Variants in SEMA4D observed in about 807,000 individuals in gnomAD.
SEMA4D encodes semaphorin-4D.
Under a neutral mutation model 74.8 loss-of-function variants are expected in SEMA4D, and 22 were observed. The observed-to-expected ratio is 0.29, with a 90% CI of 0.21 to 0.42. The LOEUF is 0.42. Among genes scored for constraint, SEMA4D ranks in the 10% least tolerant of loss-of-function variants. The probability of loss-of-function intolerance (pLI) is 1.00; values close to 1 mark genes in which losing one functional copy is unlikely to be tolerated. For synonymous variants in SEMA4D, 445 were observed against 463.7 expected (o/e 0.96, Z 0.52); for missense variants, 937 against 1,118.4 (o/e 0.84, Z 2.31).
In SEMA4D at chr9:89,378,458, T is replaced by C; in HGVS notation, c.*246A>G. The C allele has an allele frequency of 2.0e-6, 1 of 488,476 alleles. No individual in the cohort carries two copies. The allele number at this position is 488,476 out of a possible 1,614,324, so 30.3% of individuals were successfully genotyped here. On this transcript the variant is annotated 3_prime_UTR_variant, in exon 16 of 16. Coordinates refer to ENST00000422704, the MANE Select transcript of SEMA4D (RefSeq NM_001371194.2). ...GTGCCGCCCGTGGGCCTTCTTCAAG[T>C]ACTCCGACTGACTTCGGAACACAAG...
chr9:89,387,673 C>A, intron 11 of SEMA4D, 65 bp from the exon 12 acceptor site: 1 of 1,436,880 alleles, frequency 7.0e-7, no homozygotes, highest in Non-Finnish European at 9.7e-7. Flanking sequence ...TGCTTCCACA[C>A]AAGCAGCCAA....
At chr9:89,439,621 G>A (rs989615496) in intron 2 of SEMA4D, among the ~76,000 whole-genome samples, 5 of 152,164 alleles carry the variant, frequency 3.3e-5, no homozygotes, top group African/African-American at 7.2e-5. Context: ...CCACCCACAC[G>A]AACAATGTGG....
chr9:89,477,202 T>C (rs925509947), intron 1 of SEMA4D, among the ~76,000 whole-genome samples: 1 of 152,088 alleles, frequency 6.6e-6, no homozygotes, highest in African/African-American at 2.4e-5. Context: ...TGAGCACACA[T>C]GTGCAGGCAG....
At chr9:89,468,169 T>C (rs1354726926) in intron 1 of SEMA4D, among the ~76,000 whole-genome samples, 1 of 152,240 alleles carries the variant, frequency 6.6e-6, no homozygotes, top group Non-Finnish European at 1.5e-5. Flanking sequence ...CCACTCCACC[T>C]GCAACAGGTA....
intron 1 of SEMA4D, chr9:89,472,130 T>C (rs965715459): frequency 1.1e-5 from 2 of 180,706 alleles, no homozygotes; most frequent in African/African-American, 4.8e-5. Flanking sequence ...GCACAATCCT[T>C]CTGACTTTAA....
chr9:89,422,375 C>G (rs535361265), intron 2 of SEMA4D, among the ~76,000 whole-genome samples: 1 of 152,314 alleles, frequency 6.6e-6, no homozygotes, highest in South Asian at 2.1e-4. Context: ...TTGGGGAGGG[C>G]AGGCCACAGC....
Position 89,477,754 on chromosome 9 carries a change from T to A in SEMA4D, c.-310+20165A>T, listed in dbSNP as rs115457228. ...CAGCACAATGAAAGCGTTCACTCTT[T>A]GCTTTCTGTCTTCATTTTCTGAGCA... On this transcript the variant is annotated intron_variant, in intron 1 of 15. Transcript: ENST00000422704. Among the ~76,000 whole-genome samples, 359 of 152,342 alleles carry A rather than the reference T, an allele frequency of 2.4e-3. 1 individual carries two copies. The highest frequency in any genetic ancestry group is 8.2e-3 in the African/African-American group (342 of 41,566).
chr9:89,388,753 C>G lies in SEMA4D; in HGVS notation c.990G>C (p.Leu330=), dbSNP rs755613221. The G allele has an allele frequency of 1.2e-6, 2 of 1,611,248 alleles. No individual in the cohort carries two copies. The highest frequency in any genetic ancestry group is 2.2e-5 in the South Asian group (2 of 91,020). Residue 330 remains leucine, a synonymous_variant, in exon 11 of 16, where the codon CTG becomes CTC. Transcript: ENST00000422704. ...GGGAGAAGACCTCCTCGGCTGTGGACAGGTTGTAGGCGCACACTGCCGACA... is the reference window on the plus strand; with the variant it reads ...GGGAGAAGACCTCCTCGGCTGTGGAGAGGTTGTAGGCGCACACTGCCGACA... ...VGLSAVCAYN[L]STAEEVFSHG...
At chr9:89,415,836 C>T (rs1845593081) in intron 2 of SEMA4D, among the ~76,000 whole-genome samples, 1 of 152,218 alleles carries the variant, frequency 6.6e-6, no homozygotes, top group African/African-American at 2.4e-5. Flanking sequence ...ACCCAGCCAG[C>T]AGAGATGCTT....
intron 1 of SEMA4D, among the ~76,000 whole-genome samples, chr9:89,489,422 G>A (rs748254665): frequency 2.0e-5 from 3 of 152,062 alleles, no homozygotes; most frequent in Non-Finnish European, 4.4e-5. Flanking sequence ...TAGTACATTC[G>A]CAATGTTATG....
Position 89,477,016 on chromosome 9 carries a change from A to T in SEMA4D, c.-310+20903T>A, listed in dbSNP as rs182864468. 2.1e-3 allele frequency among the ~76,000 whole-genome samples: 315 copies of T among 152,296 alleles called. 2 individuals are homozygous for T. The highest frequency in any genetic ancestry group is 7.4e-3 in the African/African-American group (306 of 41,550). ...TTCTCCCCAGGCCATTTCACTTTAGACAAGCTGGAGGCATGGAGGAGAGTG... is the reference window on the plus strand; with the variant it reads ...TTCTCCCCAGGCCATTTCACTTTAGTCAAGCTGGAGGCATGGAGGAGAGTG... On this transcript the variant is annotated intron_variant, in intron 1 of 15. Coordinates refer to ENST00000422704, the MANE Select transcript of SEMA4D (RefSeq NM_001371194.2).
chr9:89,445,174 T>C (rs1852531789), intron 2 of SEMA4D, among the ~76,000 whole-genome samples: 1 of 152,076 alleles, frequency 6.6e-6, no homozygotes, highest in South Asian at 2.1e-4. Context: ...AGGGAAAGGA[T>C]GAACTGTTGG....
At chr9:89,485,826 A>C (rs1661647233) in intron 1 of SEMA4D, among the ~76,000 whole-genome samples, 1 of 149,070 alleles carries the variant, frequency 6.7e-6, no homozygotes, top group Non-Finnish European at 1.5e-5. Context: ...AAAAAAAAAA[A>C]ACCACTAACC....
chr9:89,464,055 T>C (rs1024229966), intron 1 of SEMA4D, among the ~76,000 whole-genome samples: 6 of 152,080 alleles, frequency 3.9e-5, no homozygotes, highest in Non-Finnish European at 7.4e-5. Context: ...TGGGGTTCTA[T>C]GTGCTTTTCT....
At chr9:89,466,668 C>A (rs1453791747) in intron 1 of SEMA4D, among the ~76,000 whole-genome samples, 2 of 152,238 alleles carry the variant, frequency 1.3e-5, no homozygotes, top group African/African-American at 4.8e-5. Flanking sequence ...CACTTTTCCA[C>A]TGCAATTAGT....
chr9:89,447,780 G>A (rs1261661665), intron 2 of SEMA4D, among the ~76,000 whole-genome samples: 1 of 128,188 alleles, frequency 7.8e-6, no homozygotes, highest in Non-Finnish European at 1.6e-5. Context: ...TCAGCCCACT[G>A]CCCCCCACCA....
In SEMA4D at chr9:89,405,650, C is replaced by A. The variant is rs1843167703; in HGVS notation, c.-194G>T. Reference sequence around the variant, plus strand: ...AGGTGAGGAGGGGTCGCTCTCACCACCGCAATGTCAAAGCCCACTTGATAC... The same window carrying A: ...AGGTGAGGAGGGGTCGCTCTCACCAACGCAATGTCAAAGCCCACTTGATAC... On this transcript the variant is annotated 5_prime_UTR_variant, in exon 3 of 16. Transcript: ENST00000422704. 1.4e-6 allele frequency: 2 copies of A among 1,426,378 alleles called. No homozygotes were observed. Among genetic ancestry groups the A allele is most frequent in the Admixed American group, 5.7e-5 (2 of 34,830 alleles). The allele number at this position is 1,426,378 out of a possible 1,614,324, so 88.4% of individuals were successfully genotyped here.
chr9:89,485,551 G>A (rs187801020), intron 1 of SEMA4D, among the ~76,000 whole-genome samples: 1 of 152,254 alleles, frequency 6.6e-6, no homozygotes, highest in Admixed American at 6.5e-5. Flanking sequence ...CACTTTGGGA[G>A]GCCAAGACGG....
intron 2 of SEMA4D, among the ~76,000 whole-genome samples, chr9:89,441,633 C>T (rs1202019329): frequency 6.6e-6 from 1 of 152,198 alleles, no homozygotes; most frequent in East Asian, 1.9e-4. Context: ...AATTCCCCAC[C>T]ACCCCATGGC....
Sources: allele counts gnomAD v4.1 joint callset (sites outside exome capture counted in the v4.1 genomes callset), GRCh38; gene constraint gnomAD v4.1.1; transcripts MANE v1.5; gene names NCBI Gene and HGNC (gene_info 2026-07-23, HGNC 2026-07-21).